The following OR51B5 variants were observed in gnomAD, a reference collection of about 807,000 sequenced individuals.
OR51B5 encodes olfactory receptor 51B5.
For missense variants in OR51B5, 456 were observed against 374.6 expected (o/e 1.22, Z -1.79); for synonymous variants, 186 against 144.8 (o/e 1.28, Z -2.04).
intron 1 of OR51B5, among the ~76,000 whole-genome samples, chr11:5,351,299 G>C (rs1193663652): frequency 6.6e-6 from 1 of 152,134 alleles, no homozygotes; most frequent in Non-Finnish European, 1.5e-5. Context: ...CTTACATAGA[G>C]TAAACCCTAA....
chr11:5,441,255 A>G lies in OR51B5; in HGVS notation n.84+64314T>C, dbSNP rs774453887. ...CGCAACATGGTTGTAGTTGAAGCAG[A>G]AAGTAGAAATCACAGTGGGAAGTGT... On this transcript the variant is annotated intron_variant and non_coding_transcript_variant, in intron 1 of 4. Transcript: ENST00000415970. The G allele has an allele frequency of 1.2e-5, 19 of 1,613,882 alleles. No individual in the cohort carries two copies. In the East Asian group the frequency reaches 1.6e-4, roughly 13 times the overall value.
intron 1 of OR51B5, chr11:5,453,626 G>T: frequency 1.9e-6 from 3 of 1,613,706 alleles, no homozygotes; most frequent in Non-Finnish European, 2.5e-6. Context: ...CAGTGATCCT[G>T]CAGGCTGTGC....
intron 1 of OR51B5, among the ~76,000 whole-genome samples, chr11:5,397,045 A>C (rs1235794342): frequency 6.6e-6 from 1 of 152,224 alleles, no homozygotes; most frequent in Non-Finnish European, 1.5e-5. Flanking sequence ...CCTTATACAA[A>C]AATTAACTCA....
chr11:5,403,482 A>G (rs1261364907), intron 1 of OR51B5: 1 of 471,758 alleles, frequency 2.1e-6, no homozygotes, highest in East Asian at 7.0e-5. Flanking sequence ...TGTCTACAGC[A>G]TTAAGACCAA....
intron 1 of OR51B5, among the ~76,000 whole-genome samples, chr11:5,429,940 T>C (rs1184627379): frequency 4.6e-5 from 7 of 152,218 alleles, no homozygotes; most frequent in African/African-American, 1.7e-4. Flanking sequence ...TGAGGTCTTT[T>C]GGTCAGCTGT....
At position 5,422,508 on chromosome 11, in the gene OR51B5, T is replaced by A. The variant is rs773934313; in HGVS notation, n.85-75598A>T. The A allele has an allele frequency of 9.9e-6, 16 of 1,614,168 alleles. No individual in the cohort carries two copies. The African/African-American group carries it at 2.0e-4, about 20-fold the overall frequency. On this transcript the variant is annotated intron_variant and non_coding_transcript_variant, in intron 1 of 4. Coordinates refer to the OR51B5 transcript ENST00000415970. ...AGCTCTGAGGCCTGTTTTGCTCAGT[T>A]TTTCTTCCTTCATGGATTCTCCTTT...
intron 1 of OR51B5, among the ~76,000 whole-genome samples, chr11:5,467,179 T>G (rs117008579): frequency 1.4e-4 from 22 of 152,302 alleles, no homozygotes; most frequent in Non-Finnish European, 3.2e-4. Context: ...TATGCCCAGA[T>G]TTTTGCTTAG....
At chr11:5,444,797 G>C (rs183771669) in intron 1 of OR51B5, among the ~76,000 whole-genome samples, 171 of 152,198 alleles carry the variant, frequency 1.1e-3, no homozygotes, top group Admixed American at 2.9e-3. Flanking sequence ...GAGTGAGTTG[G>C]GCCATAAGAG....
At chr11:5,344,982 G>T (rs534454555), upstream of OR51B5, among the ~76,000 whole-genome samples, 1 of 152,100 alleles carries the variant, frequency 6.6e-6, no homozygotes, top group Non-Finnish European at 1.5e-5. Context: ...AAACCTGACC[G>T]TATACAGACC....
intron 1 of OR51B5, among the ~76,000 whole-genome samples, chr11:5,472,032 T>C (rs1331246087): frequency 6.6e-6 from 1 of 152,164 alleles, no homozygotes; most frequent in African/African-American, 2.4e-5. Context: ...TTCTTTTGTT[T>C]CACCATTTTA....
At chr11:5,358,742 C>T in intron 1 of OR51B5, among the ~76,000 whole-genome samples, 1 of 152,090 alleles carries the variant, frequency 6.6e-6, no homozygotes, top group Non-Finnish European at 1.5e-5. Flanking sequence ...CAAAAAACCT[C>T]AATAAAATAC....
At chr11:5,438,173 G>T (rs1010745640) in intron 1 of OR51B5, among the ~76,000 whole-genome samples, 5 of 152,090 alleles carry the variant, frequency 3.3e-5, no homozygotes, top group African/African-American at 1.2e-4. Flanking sequence ...TAAATCTCTG[G>T]CAAGGAGAGG....
chr11:5,350,287 A>G (rs1397454206), intron 1 of OR51B5, among the ~76,000 whole-genome samples: 1 of 152,238 alleles, frequency 6.6e-6, no homozygotes, highest in East Asian at 1.9e-4. Context: ...AGCAGAGCTG[A>G]AACTTCAACA....
At chr11:5,420,728 A>T (rs1232638528) in intron 1 of OR51B5, among the ~76,000 whole-genome samples, 1 of 152,116 alleles carries the variant, frequency 6.6e-6, no homozygotes, top group African/African-American at 2.4e-5. Flanking sequence ...ATTTTCATTT[A>T]GTTACTTAAT....
At chr11:5,442,030 C>T (rs899831219) in intron 1 of OR51B5, among the ~76,000 whole-genome samples, 1 of 152,128 alleles carries the variant, frequency 6.6e-6, no homozygotes, top group Non-Finnish European at 1.5e-5. Context: ...TTACTCTAGG[C>T]TTCTACCTTC....
intron 1 of OR51B5, among the ~76,000 whole-genome samples, chr11:5,436,630 C>A (rs1850599944): frequency 6.6e-6 from 1 of 152,172 alleles, no homozygotes; most frequent in Non-Finnish European, 1.5e-5. Context: ...GAATATTGTT[C>A]TTTCTATAGA....
chr11:5,423,040 T>TA, intron 1 of OR51B5: 1 of 1,614,120 alleles, frequency 6.2e-7, no homozygotes, highest in Non-Finnish European at 8.5e-7. Context: ...TCATGGCCAA[T>TA]ATCTACCTGC....
At chr11:5,414,556 C>A (rs1564805802) in intron 1 of OR51B5, among the ~76,000 whole-genome samples, 1 of 151,828 alleles carries the variant, frequency 6.6e-6, no homozygotes. Context: ...TGCAGAGACA[C>A]ACATAGGCTC....
At chr11:5,347,564 C>A (rs10837874), upstream of OR51B5, among the ~76,000 whole-genome samples, 45,162 of 152,032 alleles carry the variant, frequency 0.3, 7,428 homozygotes, top group Non-Finnish European at 0.38. Context: ...ACAGTAAGGA[C>A]TATGAAATGC....
Sources: allele counts gnomAD v4.1 joint callset (sites outside exome capture counted in the v4.1 genomes callset), GRCh38; gene constraint gnomAD v4.1.1; transcripts MANE v1.5; gene names NCBI Gene and HGNC (gene_info 2026-07-23, HGNC 2026-07-21).